The following OTOA variants were observed in gnomAD, a reference collection of about 807,000 sequenced individuals.
OTOA encodes cancer/testis antigen 108.
A neutral mutation model predicts 110.8 loss-of-function variants in OTOA; 70 were observed. The ratio of observed to expected loss-of-function variants is 0.63; its 90% CI spans 0.52 to 0.77. The LOEUF is 0.77. Among genes scored for constraint, OTOA ranks in the 30% least tolerant of loss-of-function variants. OTOA has a pLI of 0.00. For synonymous variants in OTOA, 373 were observed against 431.5 expected, an observed-to-expected ratio of 0.86 and a Z score of 1.68; for missense variants, 917 against 1,075.8, an observed-to-expected ratio of 0.85 and a Z score of 2.06.
chr16:21,671,384 C>T (rs1281883187), intron 1 of OTOA, among the ~76,000 whole-genome samples: 2 of 151,628 alleles, frequency 1.3e-5, no homozygotes. Context: ...GTCAGGAGTT[C>T]GAGATCAGCC....
intron 13 of OTOA, 94 bp from the exon 14 acceptor site, chr16:21,714,891 C>A: frequency 2.0e-6 from 3 of 1,528,160 alleles, no homozygotes; most frequent in Non-Finnish European, 2.7e-6. Context: ...AAGGTGTCAC[C>A]CATCCCTATA....
At chr16:21,696,505 G>A (rs1386748978) in intron 9 of OTOA, among the ~76,000 whole-genome samples, 1 of 152,130 alleles carries the variant, frequency 6.6e-6, no homozygotes, top group Non-Finnish European at 1.5e-5. Context: ...GATAATCAGT[G>A]AGGATGATCC....
chr16:21,719,547 C>T (rs185918830), intron 17 of OTOA, 43 bp downstream of exon 17: 278 of 1,544,862 alleles, frequency 1.8e-4, no homozygotes, highest in Admixed American at 2.7e-4. Context: ...TCTCTCCCTA[C>T]CCCAGTCACT....
At position 21,727,008 on chromosome 16, in the gene OTOA, T is replaced by C. The variant is rs1898939828; in HGVS notation, c.2016+350T>C. On this transcript the variant is annotated intron_variant, in intron 19 of 28. Transcript: ENST00000646100. ...GGTGGGGGGAGTAGCACATCCCCCT[T>C]AGAGTTTTTTTTTTTTTTTTTTTTT... The C allele has an allele frequency of 1.2e-5, 3 of 247,962 alleles. No individual in the cohort carries two copies. In the South Asian group the frequency reaches 1.5e-4, roughly 12 times the overall value. The allele number at this position is 247,962 out of a possible 1,614,324, so 15.4% of individuals were successfully genotyped here.
At chr16:21,670,015 A>G (rs1049440915) in intron 1 of OTOA, among the ~76,000 whole-genome samples, 12 of 152,050 alleles carry the variant, frequency 7.9e-5, no homozygotes, top group Admixed American at 3.9e-4. Context: ...AATCCCAGCT[A>G]CTTGAGAGGC....
At chr16:21,703,223 T>TA (rs1898087537) in intron 11 of OTOA, among the ~76,000 whole-genome samples, 1 of 152,182 alleles carries the variant, frequency 6.6e-6, no homozygotes, top group Non-Finnish European at 1.5e-5. Context: ...TTTTCCTATT[T>TA]AACTGAAACA....
chr16:21,687,356 G>T (rs1897736666), intron 7 of OTOA, 57 bp from the exon 8 acceptor site: 1 of 1,437,900 alleles, frequency 7.0e-7, no homozygotes, highest in African/African-American at 1.4e-5. Flanking sequence ...TCCCTCCCAG[G>T]GCTTCCAAAT....
intron 7 of OTOA, among the ~76,000 whole-genome samples, chr16:21,685,987 A>C (rs1002565832): frequency 6.6e-6 from 1 of 152,166 alleles, no homozygotes; most frequent in African/African-American, 2.4e-5. Context: ...ATCCTCCTGC[A>C]CTCAAGGAGC....
chr16:21,709,456 T>C (rs1898289025), intron 12 of OTOA, among the ~76,000 whole-genome samples: 1 of 152,002 alleles, frequency 6.6e-6, no homozygotes, highest in Non-Finnish European at 1.5e-5. Context: ...AAAAAGTTAT[T>C]TTTACACAGA....
At chr16:21,664,438 C>G (rs1379511360) in intron 1 of OTOA, among the ~76,000 whole-genome samples, 1 of 151,532 alleles carries the variant, frequency 6.6e-6, no homozygotes, top group South Asian at 2.1e-4. Context: ...AGGGGGGGGA[C>G]GATGAAACTT....
chr16:21,699,713 G>A (rs1898013258), intron 10 of OTOA, among the ~76,000 whole-genome samples: 1 of 152,080 alleles, frequency 6.6e-6, no homozygotes, highest in Admixed American at 6.6e-5. Flanking sequence ...GAGGTCAGGT[G>A]TTCAAGACCA....
intron 22 of OTOA, among the ~76,000 whole-genome samples, chr16:21,738,504 C>T (rs1375382042): frequency 6.0e-5 from 8 of 134,446 alleles, no homozygotes; most frequent in African/African-American, 1.3e-4. Context: ...AGGTGGCTCT[C>T]GGTGGGATGG....
At chr16:21,718,014 T>A (rs1898609512) in intron 15 of OTOA, among the ~76,000 whole-genome samples, 1 of 152,166 alleles carries the variant, frequency 6.6e-6, no homozygotes, top group Admixed American at 6.6e-5. Flanking sequence ...TGGGGTGCAG[T>A]GGCACAATCT....
At position 21,709,873 on chromosome 16, in the gene OTOA, T is replaced by G; in HGVS notation, c.1105-15T>G. The stretch of plus-strand genomic sequence containing the variant: ...GCTTCCTGTCAACACTCATTCCAGT[T>G]TGCTCTCCTTCCAGCTCAAAGCAGA... On this transcript the variant is annotated splice_polypyrimidine_tract_variant and intron_variant, in intron 12 of 28. Coordinates refer to ENST00000646100, the MANE Select transcript of OTOA (RefSeq NM_144672.4). The G allele has an allele frequency of 6.3e-7, 1 of 1,599,606 alleles. No individual in the cohort carries two copies. The highest frequency in any genetic ancestry group is 8.6e-7 in the Non-Finnish European group (1 of 1,166,934).
At chr16:21,721,383 GCAAACATTTTTGGTTGTCA>G in intron 17 of OTOA, 1 of 455,198 alleles carries the variant, frequency 2.2e-6, no homozygotes, top group Non-Finnish European at 4.4e-6. Flanking sequence ...GGCCATGTCT[GCAAACATTTTTGGTTGTCA>G]CAACCGGAGC....
At chr16:21,735,771 TTTAGTA>T (rs1899273747) in intron 21 of OTOA, among the ~76,000 whole-genome samples, 1 of 152,054 alleles carries the variant, frequency 6.6e-6, no homozygotes, top group Non-Finnish European at 1.5e-5. Flanking sequence ...TTTTTGTATT[TTTAGTA>T]GAGATGGGGT....
intron 8 of OTOA, among the ~76,000 whole-genome samples, chr16:21,688,788 C>T (rs767179238): frequency 6.6e-6 from 1 of 152,104 alleles, no homozygotes; most frequent in African/African-American, 2.4e-5. Context: ...AAAACTCCAC[C>T]TCTTAATACC....
intron 10 of OTOA, among the ~76,000 whole-genome samples, chr16:21,698,087 A>G (rs967153556): frequency 6.6e-6 from 1 of 152,200 alleles, no homozygotes; most frequent in African/African-American, 2.4e-5. Flanking sequence ...AAGGGCTAAG[A>G]AAAGAAAAAG....
chr16:21,686,431 G>A (rs888480488), intron 7 of OTOA, among the ~76,000 whole-genome samples: 1 of 151,874 alleles, frequency 6.6e-6, no homozygotes, highest in Admixed American at 6.6e-5. Flanking sequence ...TAGGACTACA[G>A]GTGCGCATTA....
Sources: gnomAD v4.1 joint callset for allele counts (sites outside exome capture counted in the v4.1 genomes callset) on GRCh38, gnomAD v4.1.1 for gene constraint, MANE v1.5 for transcripts, NCBI Gene and HGNC (gene_info 2026-07-23, HGNC 2026-07-21) for gene names.